NRCAM: variants seen among roughly 807,000 people sequenced by gnomAD.
NRCAM encodes neuronal cell adhesion molecule, also known as NgCAM-related cell adhesion molecule.
A neutral mutation model predicts 156.5 loss-of-function variants in NRCAM; 83 were observed. The observed-to-expected ratio is 0.53, with a 90% CI of 0.44 to 0.64. NRCAM has a LOEUF of 0.64. Ranked by LOEUF, NRCAM falls within the 30% of genes least tolerant of loss-of-function variation. The pLI is 0.00. For missense variants in NRCAM, 1,417 were observed against 1,597.3 expected (o/e 0.89, Z 1.92); for synonymous variants, 538 against 563.9 (o/e 0.95, Z 0.65).
intron 3 of NRCAM, among the ~76,000 whole-genome samples, chr7:108,256,452 C>A (rs1455599331): frequency 6.7e-6 from 1 of 149,736 alleles, no homozygotes; most frequent in Admixed American, 6.6e-5. Flanking sequence ...CATCACCACT[C>A]CCTAATCTCA....
At chr7:108,347,725 T>C (rs1434964807) in intron 2 of NRCAM, among the ~76,000 whole-genome samples, 1 of 152,226 alleles carries the variant, frequency 6.6e-6, no homozygotes, top group Non-Finnish European at 1.5e-5. Flanking sequence ...TGAGAATCTT[T>C]TGCCTATGAG....
chr7:108,411,559 A>C (rs1563686900), intron 1 of NRCAM, among the ~76,000 whole-genome samples: 1 of 152,172 alleles, frequency 6.6e-6, no homozygotes, highest in Non-Finnish European at 1.5e-5. Flanking sequence ...AAATAAAAAT[A>C]AATACAATAA....
At position 108,285,765 on chromosome 7, in the gene NRCAM, T is replaced by A. The variant is rs539473267; in HGVS notation, c.-107+26900A>T. On this transcript the variant is annotated intron_variant, in intron 3 of 32. Coordinates refer to ENST00000379028, the MANE Select transcript of NRCAM (RefSeq NM_001037132.4). ...ATGATGAGAAGAGCAGAGAGATGGA[T>A]TTTTGTCTGTTTGTGTATACAATTA... Among the ~76,000 whole-genome samples the A allele has an allele frequency of 7.2e-5, 11 of 152,312 alleles. No individual in the cohort carries two copies. The East Asian group carries it at 2.1e-3, about 29-fold the overall frequency.
intron 3 of NRCAM, among the ~76,000 whole-genome samples, chr7:108,273,569 C>T (rs73199595): frequency 0.042 from 6,325 of 152,148 alleles, 176 homozygotes; most frequent in South Asian, 0.11. Flanking sequence ...TCCATTCATA[C>T]CTTTGCCCAC....
chr7:108,415,322 C>T (rs968587626), intron 1 of NRCAM, among the ~76,000 whole-genome samples: 24 of 152,278 alleles, frequency 1.6e-4, no homozygotes, highest in Admixed American at 1.3e-4. Context: ...GCCCTGTGGC[C>T]GCACGTCTAA....
intron 2 of NRCAM, among the ~76,000 whole-genome samples, chr7:108,364,595 A>T (rs1212282148): frequency 6.6e-6 from 1 of 152,204 alleles, no homozygotes; most frequent in Non-Finnish European, 1.5e-5. Context: ...ACAAAATGTG[A>T]AATCAACTCA....
chr7:108,382,827 T>C (rs2099707712), intron 2 of NRCAM, among the ~76,000 whole-genome samples: 1 of 152,070 alleles, frequency 6.6e-6, no homozygotes, highest in Non-Finnish European at 1.5e-5. Context: ...TACCCCCAAA[T>C]TACCCACTAT....
intron 2 of NRCAM, among the ~76,000 whole-genome samples, chr7:108,392,507 A>G (rs146744250): frequency 0.011 from 1,630 of 152,126 alleles, 17 homozygotes; most frequent in Admixed American, 0.017. Context: ...CTTCTTTGCG[A>G]TGGGTTTGAA....
At chr7:108,190,107 G>C (rs547219407) in intron 19 of NRCAM, among the ~76,000 whole-genome samples, 1 of 152,154 alleles carries the variant, frequency 6.6e-6, no homozygotes, top group African/African-American at 2.4e-5. Flanking sequence ...GGGAAATAGA[G>C]AAAGCAACTG....
chr7:108,403,825 T>C (rs1563651687), intron 1 of NRCAM, among the ~76,000 whole-genome samples: 1 of 152,308 alleles, frequency 6.6e-6, no homozygotes, highest in Non-Finnish European at 1.5e-5. Flanking sequence ...TCATGGAAAT[T>C]AGCAGAATCT....
Position 108,378,715 on chromosome 7 carries a change from A to C in NRCAM, c.-174+20721T>G, listed in dbSNP as rs116611098. ...AACTCCAAGACACACACTACGGTGA[A>C]ATTTCAGAAATCCAAAGGCAACGAA... On this transcript the variant is annotated intron_variant, in intron 2 of 32. Coordinates refer to ENST00000379028, the MANE Select transcript of NRCAM (RefSeq NM_001037132.4). Among the ~76,000 whole-genome samples, 1,398 of 151,084 alleles carry C rather than the reference A, an allele frequency of 9.3e-3. 20 individuals are homozygous for C. The highest frequency in any genetic ancestry group is 0.032 in the African/African-American group (1,326 of 41,140).
At chr7:108,354,929 C>A (rs1317273269) in intron 2 of NRCAM, among the ~76,000 whole-genome samples, 1 of 151,756 alleles carries the variant, frequency 6.6e-6, no homozygotes, top group East Asian at 1.9e-4. Context: ...CTGTATATCA[C>A]TAACAAACTG....
In NRCAM at chr7:108,150,052, T is replaced by A. The variant is rs529658172; in HGVS notation, c.3773A>T (p.Tyr1258Phe). The change falls in exon 33 of 33, where the codon TAT becomes TTT. Residue 1258 changes from tyrosine to phenylalanine, a missense_variant. Physicochemically the swap from Tyr to Phe is conservative, Grantham distance 22. Transcript: ENST00000379028. ...GAACTGGCCATTAACCCCTTCTCCA[T>A]AGTCAACTAGGCTGTCGTCACTATC... ...KEDSDDSLVD[Y>F]GEGVNGQFNE... 1 of 1,614,104 alleles carries A rather than the reference T, an allele frequency of 6.2e-7. No homozygotes were observed. The highest frequency in any genetic ancestry group is 1.1e-5 in the South Asian group (1 of 91,080).
intron 1 of NRCAM, among the ~76,000 whole-genome samples, chr7:108,455,544 A>G (rs1170887788): frequency 6.6e-6 from 1 of 152,086 alleles, no homozygotes; most frequent in East Asian, 1.9e-4. Context: ...CGCACCTGTA[A>G]GGCCGACAAA....
intron 2 of NRCAM, among the ~76,000 whole-genome samples, chr7:108,362,801 C>T (rs79968851): frequency 0.016 from 2,385 of 152,206 alleles, 53 homozygotes; most frequent in African/African-American, 0.055. Flanking sequence ...TGTATCTACA[C>T]AGGTTATCAT....
At chr7:108,243,908 C>T (rs1412741551) in intron 3 of NRCAM, among the ~76,000 whole-genome samples, 2 of 152,132 alleles carry the variant, frequency 1.3e-5, no homozygotes, top group African/African-American at 2.4e-5. Flanking sequence ...ATTCAAGGTT[C>T]CCTTATTTCT....
At position 108,180,444 on chromosome 7, in the gene NRCAM, G is replaced by A. The variant is rs548420162; in HGVS notation, c.2647-17C>T. The A allele has an allele frequency of 1.3e-5, 21 of 1,596,544 alleles. No individual in the cohort carries two copies. The African/African-American group carries it at 2.3e-4, about 17-fold the overall frequency. On this transcript the variant is annotated splice_polypyrimidine_tract_variant and intron_variant, in intron 24 of 32. Coordinates refer to ENST00000379028, the MANE Select transcript of NRCAM (RefSeq NM_001037132.4). ...ATAGTAAATCTGAAACAGCAAGAAC[G>A]AAAGTCAGGAATGCAGAAAGGAGCA...
At chr7:108,255,018 CGG>C in intron 3 of NRCAM, among the ~76,000 whole-genome samples, 1 of 152,224 alleles carries the variant, frequency 6.6e-6, no homozygotes, top group African/African-American at 2.4e-5. Context: ...TGCCCATTAA[CGG>C]ATGAAAGAAT....
intron 1 of NRCAM, among the ~76,000 whole-genome samples, chr7:108,424,464 T>A (rs1164371061): frequency 6.6e-6 from 1 of 152,172 alleles, no homozygotes; most frequent in East Asian, 1.9e-4. Flanking sequence ...AATAAAGGGA[T>A]GTGTTGCCTA....
Sources: gnomAD v4.1 joint callset for allele counts (sites outside exome capture counted in the v4.1 genomes callset) on GRCh38, gnomAD v4.1.1 for gene constraint, MANE v1.5 for transcripts, NCBI Gene and HGNC (gene_info 2026-07-23, HGNC 2026-07-21) for gene names.